Variants in ZFAT observed in about 807,000 individuals in gnomAD.
ZFAT encodes zinc finger and AT-hook domain containing, also known as zinc finger protein ZFAT.
A neutral mutation model predicts 117.7 loss-of-function variants in ZFAT; 64 were observed. That is an observed-to-expected ratio of 0.54 (90% CI 0.44 to 0.67). ZFAT has a LOEUF of 0.67. Among genes scored for constraint, ZFAT ranks in the 30% least tolerant of loss-of-function variants. The pLI is 0.00. For synonymous variants in ZFAT, 679 were observed against 615.0 expected (o/e 1.10, Z -1.54); for missense variants, 1,433 against 1,584.5 (o/e 0.90, Z 1.62).
chr8:134,584,502 A>T (rs1168470592), intron 9 of ZFAT, among the ~76,000 whole-genome samples: 1 of 152,066 alleles, frequency 6.6e-6, no homozygotes, highest in East Asian at 1.9e-4. Flanking sequence ...CTTTGCAAAA[A>T]CTCAATGGGA....
At chr8:134,738,879 A>G in the ZFAT span, among the ~76,000 whole-genome samples, 8 of 152,214 alleles carry the variant, frequency 5.3e-5, no homozygotes, top group Admixed American at 4.6e-4. Flanking sequence ...AACAGTGGGG[A>G]GAAGGTAAGA....
chr8:134,763,345 C>T, the ZFAT span, among the ~76,000 whole-genome samples: 1 of 152,156 alleles, frequency 6.6e-6, no homozygotes, highest in African/African-American at 2.4e-5. Context: ...TGGAACAAGA[C>T]AAGTTTATTA....
At chr8:134,513,197 C>A (rs1352449124) in intron 13 of ZFAT, among the ~76,000 whole-genome samples, 1 of 133,000 alleles carries the variant, frequency 7.5e-6, no homozygotes, top group Admixed American at 7.6e-5. Context: ...GCTATTTGTG[C>A]TTTTTTTTTT....
chr8:134,571,093 C>T (rs1563862565), intron 10 of ZFAT, among the ~76,000 whole-genome samples: 1 of 152,204 alleles, frequency 6.6e-6, no homozygotes, highest in Non-Finnish European at 1.5e-5. Context: ...ATGCCTGATC[C>T]CAGGAGATGA....
chr8:134,744,435 A>G, the ZFAT span, among the ~76,000 whole-genome samples: 1 of 151,688 alleles, frequency 6.6e-6, no homozygotes, highest in Non-Finnish European at 1.5e-5. Context: ...AGATGGAATT[A>G]CAGGCACCCG....
the ZFAT span, among the ~76,000 whole-genome samples, chr8:134,823,492 ATAT>A: frequency 6.6e-5 from 10 of 152,292 alleles, no homozygotes; most frequent in South Asian, 2.1e-3. Context: ...ATATAAAGTA[ATAT>A]TATCATTGTG....
the ZFAT span, among the ~76,000 whole-genome samples, chr8:134,769,509 G>C: frequency 6.6e-6 from 1 of 152,226 alleles, no homozygotes; most frequent in Admixed American, 6.5e-5. Context: ...TGGCTTTGCA[G>C]GGTACAGCTT....
At chr8:134,756,347 T>A in the ZFAT span, among the ~76,000 whole-genome samples, 1 of 152,232 alleles carries the variant, frequency 6.6e-6, no homozygotes, top group Non-Finnish European at 1.5e-5. Context: ...GGTGTTCTTG[T>A]GATCGTGACC....
At chr8:134,541,416 C>G (rs529574403) in intron 11 of ZFAT, among the ~76,000 whole-genome samples, 4 of 152,242 alleles carry the variant, frequency 2.6e-5, no homozygotes, top group African/African-American at 9.6e-5. Context: ...TGCAGAGTCC[C>G]CACCAGCAAG....
At chr8:134,530,670 G>A (rs553162533) in intron 12 of ZFAT, among the ~76,000 whole-genome samples, 3 of 152,100 alleles carry the variant, frequency 2.0e-5, no homozygotes, top group Non-Finnish European at 4.4e-5. Context: ...ATATGCAAAT[G>A]CTACATCTAT....
chr8:134,715,093 C>T (rs1213809545), upstream of ZFAT, among the ~76,000 whole-genome samples: 3 of 152,172 alleles, frequency 2.0e-5, no homozygotes, highest in Admixed American at 6.5e-5. Flanking sequence ...TTCTGGGTTG[C>T]TGACAGTATT....
At chr8:134,758,262 G>A in the ZFAT span, among the ~76,000 whole-genome samples, 11 of 152,232 alleles carry the variant, frequency 7.2e-5, no homozygotes, top group African/African-American at 2.6e-4. Flanking sequence ...TCCTGGGTAT[G>A]ATCACCCAGG....
chr8:134,514,965 C>T (rs1254391787), intron 13 of ZFAT, among the ~76,000 whole-genome samples: 1 of 152,158 alleles, frequency 6.6e-6, no homozygotes, highest in Non-Finnish European at 1.5e-5. Context: ...CCCTAGCCCT[C>T]CACCCCCAAC....
chr8:134,508,264 C>T (rs57349689), intron 15 of ZFAT, among the ~76,000 whole-genome samples: 1,905 of 152,294 alleles, frequency 0.013, 37 homozygotes, highest in African/African-American at 0.044. Flanking sequence ...TGCATTGTGC[C>T]CTGGGCACAC....
At chr8:134,768,002 C>G in the ZFAT span, among the ~76,000 whole-genome samples, 2 of 152,196 alleles carry the variant, frequency 1.3e-5, no homozygotes, top group Non-Finnish European at 2.9e-5. Context: ...ATCTTACTCT[C>G]TCTTCTGTTT....
At chr8:134,802,239 C>A in the ZFAT span, among the ~76,000 whole-genome samples, 1 of 152,096 alleles carries the variant, frequency 6.6e-6, no homozygotes, top group African/African-American at 2.4e-5. Flanking sequence ...TCTGAAACAG[C>A]CTTATTTTAA....
At chr8:134,739,352 G>T in the ZFAT span, among the ~76,000 whole-genome samples, 1 of 151,892 alleles carries the variant, frequency 6.6e-6, no homozygotes, top group Non-Finnish European at 1.5e-5. Context: ...CTCTTGAACC[G>T]GGATATGGGA....
In ZFAT at chr8:134,597,162, AAG is replaced by A. The variant is rs756068577; in HGVS notation, c.2475+3272_2475+3273del. Among the ~76,000 whole-genome samples the A allele has an allele frequency of 6.2e-4, 95 of 152,344 alleles. 1 individual carries two copies. Among genetic ancestry groups the A allele is most frequent in the African/African-American group, 2.3e-3 (94 of 41,576 alleles). On this transcript the variant is annotated intron_variant, in intron 7 of 15. Transcript: ENST00000377838. ...AATAGCAACTTTATTATCAGATCAA[AAG>A]AGTCTTCATTAAGGGAAAGCAGATC...
At chr8:134,792,450 C>T in the ZFAT span, 5 of 152,154 alleles carry the variant, frequency 3.3e-5, no homozygotes, top group African/African-American at 1.2e-4. Flanking sequence ...CTGTGTTACT[C>T]TTCCCTATCA....
Sources: allele counts gnomAD v4.1 joint callset (sites outside exome capture counted in the v4.1 genomes callset), GRCh38; gene constraint gnomAD v4.1.1; transcripts MANE v1.5; gene names NCBI Gene and HGNC (gene_info 2026-07-23, HGNC 2026-07-21).